The following OSBPL10 variants were observed in gnomAD, a reference collection of about 807,000 sequenced individuals.
The protein encoded by OSBPL10 is oxysterol-binding protein-related protein 10.
Under a neutral mutation model 81.7 loss-of-function variants are expected in OSBPL10, and 49 were observed. The ratio of observed to expected loss-of-function variants is 0.60; its 90% CI spans 0.48 to 0.76. The LOEUF is 0.76. OSBPL10 is among the 30% of genes least tolerant of loss of function. The pLI, the probability that OSBPL10 is intolerant of heterozygous loss-of-function variation, is 0.00. For synonymous variants in OSBPL10, 419 were observed against 383.6 expected (o/e 1.09, Z -1.08); for missense variants, 923 against 987.8 (o/e 0.93, Z 0.88).
At chr3:31,738,456 G>A (rs937951267) in intron 5 of OSBPL10, among the ~76,000 whole-genome samples, 1 of 151,942 alleles carries the variant, frequency 6.6e-6, no homozygotes, top group Non-Finnish European at 1.5e-5. Context: ...CAGGCAAACA[G>A]AAGAATGTAA....
At chr3:32,048,105 T>A (rs1056984834) in intron 1 of OSBPL10, among the ~76,000 whole-genome samples, 1 of 152,006 alleles carries the variant, frequency 6.6e-6, no homozygotes, top group Non-Finnish European at 1.5e-5. Flanking sequence ...AAAGATGGAG[T>A]TGCTATGCTT....
intron 1 of OSBPL10, among the ~76,000 whole-genome samples, chr3:32,046,783 TG>T (rs1163562313): frequency 6.6e-6 from 1 of 152,172 alleles, no homozygotes; most frequent in African/African-American, 2.4e-5. Context: ...AAGAATCTAA[TG>T]GAATAGCTAC....
At chr3:31,932,567 C>T (rs1472875973) in intron 1 of OSBPL10, among the ~76,000 whole-genome samples, 2 of 152,096 alleles carry the variant, frequency 1.3e-5, no homozygotes, top group Admixed American at 6.6e-5. Context: ...TTTTACATTG[C>T]GTATAATAAA....
At chr3:31,823,102 C>T (rs1337121025) in intron 4 of OSBPL10, among the ~76,000 whole-genome samples, 3 of 151,834 alleles carry the variant, frequency 2.0e-5, no homozygotes, top group Non-Finnish European at 4.4e-5. Context: ...CCCATGGTCA[C>T]ATAGTCATCT....
At chr3:31,870,906 T>C (rs1701306590) in intron 3 of OSBPL10, among the ~76,000 whole-genome samples, 1 of 152,212 alleles carries the variant, frequency 6.6e-6, no homozygotes, top group South Asian at 2.1e-4. Flanking sequence ...CTAGCTGCTC[T>C]GGTGAGGCCT....
chr3:31,704,256 G>A (rs989986637), intron 6 of OSBPL10: 3 of 152,404 alleles, frequency 2.0e-5, no homozygotes, highest in Non-Finnish European at 4.4e-5. Context: ...TTGAAAGTGG[G>A]TGGCTGTCTC....
chr3:31,731,059 AT>A (rs201002996), intron 6 of OSBPL10, among the ~76,000 whole-genome samples: 2 of 151,628 alleles, frequency 1.3e-5, no homozygotes, highest in Non-Finnish European at 2.9e-5. Flanking sequence ...CAACAGCAAC[AT>A]TTTTTTTTCT....
intron 3 of OSBPL10, among the ~76,000 whole-genome samples, chr3:31,838,144 G>A (rs1320652017): frequency 1.2e-4 from 19 of 152,078 alleles, no homozygotes; most frequent in South Asian, 2.1e-4. Context: ...ATGGAAATAC[G>A]CACACATACA....
chr3:31,809,649 C>T (rs902909201), intron 4 of OSBPL10, among the ~76,000 whole-genome samples: 2 of 152,176 alleles, frequency 1.3e-5, no homozygotes, highest in Non-Finnish European at 2.9e-5. Context: ...GCTGGCCTTA[C>T]CAGACACTAA....
At chr3:31,910,585 A>C (rs1357801187) in intron 1 of OSBPL10, among the ~76,000 whole-genome samples, 2 of 151,988 alleles carry the variant, frequency 1.3e-5, no homozygotes, top group Non-Finnish European at 2.9e-5. Context: ...GCAGTGAGCC[A>C]AGATCATGCC....
At chr3:31,726,604 G>T (rs574955155) in intron 6 of OSBPL10, among the ~76,000 whole-genome samples, 1 of 152,046 alleles carries the variant, frequency 6.6e-6, no homozygotes, top group African/African-American at 2.4e-5. Context: ...GTGAGCCACC[G>T]CACCTGACCT....
At chr3:31,715,718 T>G (rs891460859) in intron 6 of OSBPL10, among the ~76,000 whole-genome samples, 4 of 152,206 alleles carry the variant, frequency 2.6e-5, no homozygotes, top group Non-Finnish European at 5.9e-5. Flanking sequence ...CTACCGATGA[T>G]TTGCTTCTGT....
rs536873974 is a variant in OSBPL10 at position 31,763,155 on chromosome 3, C to T, written c.730-15035G>A. ...TAAGAAAGGGTAAGGAATTGTTCTG[C>T]AAATGGTTTGAAAGTTTCATTCAAG... is the stretch of plus-strand genomic sequence containing the variant. On this transcript the variant is annotated intron_variant, in intron 4 of 11. Coordinates refer to ENST00000396556, the MANE Select transcript of OSBPL10 (RefSeq NM_017784.5). Among the ~76,000 whole-genome samples the T allele has an allele frequency of 2.5e-3, 374 of 152,302 alleles. 5 individuals are homozygous for T. Among genetic ancestry groups the T allele is most frequent in the African/African-American group, 8.6e-3 (359 of 41,574 alleles).
chr3:31,680,183 A>T (rs1025061167), intron 8 of OSBPL10, among the ~76,000 whole-genome samples: 2 of 152,154 alleles, frequency 1.3e-5, no homozygotes, highest in African/African-American at 4.8e-5. Flanking sequence ...CCCTGCCCCC[A>T]CAGAAGCACA....
chr3:31,882,191 T>G (rs1266392262), intron 1 of OSBPL10, among the ~76,000 whole-genome samples: 1 of 152,138 alleles, frequency 6.6e-6, no homozygotes, highest in African/African-American at 2.4e-5. Flanking sequence ...CCTCCAAAGC[T>G]CCAATTCCTC....
intron 3 of OSBPL10, among the ~76,000 whole-genome samples, chr3:31,860,381 C>T (rs1701029023): frequency 6.6e-6 from 1 of 152,116 alleles, no homozygotes; most frequent in Non-Finnish European, 1.5e-5. Context: ...TCCAAAGGAA[C>T]ATGTCACTGA....
At position 31,799,376 on chromosome 3, in the gene OSBPL10, C is replaced by CT. The variant is rs1285427771; in HGVS notation, c.729+30663dup. 4.3e-3 allele frequency among the ~76,000 whole-genome samples: 208 copies of CT among 47,854 alleles called. 2 individuals are homozygous for CT. The highest frequency in any genetic ancestry group is 8.3e-3 in the African/African-American group (98 of 11,848). The allele number at this position is 47,854 out of a possible 152,430, so 31.4% of individuals were successfully genotyped here. On this transcript the variant is annotated intron_variant, in intron 4 of 11. Coordinates refer to ENST00000396556, the MANE Select transcript of OSBPL10 (RefSeq NM_017784.5). ...GAGCAACATAGCAAGACCCCTATCT[C>CT]TTTAAAAAAAAAAAAAAAAAAAAAA...
chr3:31,980,770 G>C, intron 1 of OSBPL10, 129 bp downstream of exon 1: 1 of 1,190,252 alleles, frequency 8.4e-7, no homozygotes, highest in Non-Finnish European at 1.1e-6. Flanking sequence ...CCGTTGGGAG[G>C]CATCACTGGG....
chr3:31,678,782 C>CTGTG (rs67616509), intron 8 of OSBPL10, among the ~76,000 whole-genome samples: 8,616 of 135,448 alleles, frequency 0.064, 337 homozygotes, highest in Admixed American at 0.1. Flanking sequence ...CAGATTCAAA[C>CTGTG]TGTGTGTGTG....
Sources: allele counts gnomAD v4.1 joint callset (sites outside exome capture counted in the v4.1 genomes callset), GRCh38; gene constraint gnomAD v4.1.1; transcripts MANE v1.5; gene names NCBI Gene and HGNC (gene_info 2026-07-23, HGNC 2026-07-21).